The following TMEM232 variants were observed in gnomAD, a reference collection of about 807,000 sequenced individuals.
TMEM232 encodes the protein transmembrane protein 232.
TMEM232 carries 80 observed loss-of-function variants against 78.8 expected under a neutral mutation model. That is an observed-to-expected ratio of 1.01 (90% confidence interval 0.85 to 1.22). The LOEUF is 1.22. TMEM232 is among the 50% of genes most tolerant of loss of function. The pLI is 0.00. For synonymous variants in TMEM232, 297 were observed against 254.3 expected, an observed-to-expected ratio of 1.17 and a Z score of -1.60; for missense variants, 881 against 742.2, an observed-to-expected ratio of 1.19 and a Z score of -2.17.
chr5:110,484,402 G>T (rs577044466), intron 12 of TMEM232, among the ~76,000 whole-genome samples: 3 of 152,018 alleles, frequency 2.0e-5, no homozygotes, highest in African/African-American at 7.2e-5. Context: ...AAAGGAGGCA[G>T]CAATACAAAG....
At chr5:110,437,452 T>A (rs1208868674) in intron 12 of TMEM232, among the ~76,000 whole-genome samples, 1 of 152,006 alleles carries the variant, frequency 6.6e-6, no homozygotes, top group African/African-American at 2.4e-5. Flanking sequence ...AATTAAACAT[T>A]TCAAGATAGT....
chr5:110,571,653 A>G (rs1162256919), intron 10 of TMEM232, among the ~76,000 whole-genome samples: 2 of 151,556 alleles, frequency 1.3e-5, no homozygotes, highest in East Asian at 3.9e-4. Flanking sequence ...CCGAGACCCT[A>G]TCTCTATAGT....
At chr5:110,399,953 C>G (rs1755531499) in intron 2 of TMEM232, among the ~76,000 whole-genome samples, 1 of 152,098 alleles carries the variant, frequency 6.6e-6, no homozygotes, top group South Asian at 2.1e-4. Flanking sequence ...TGTTAAGAGA[C>G]CACTATGAGG....
At chr5:110,573,747 C>G (rs565416604) in intron 10 of TMEM232, among the ~76,000 whole-genome samples, 1 of 152,130 alleles carries the variant, frequency 6.6e-6, no homozygotes, top group South Asian at 2.1e-4. Flanking sequence ...AAGCTAAGAT[C>G]TAGCTGATGA....
chr5:110,594,079 G>T (rs1779859715), intron 10 of TMEM232, among the ~76,000 whole-genome samples: 1 of 152,110 alleles, frequency 6.6e-6, no homozygotes, highest in African/African-American at 2.4e-5. Flanking sequence ...GAAGGTGGGT[G>T]ATTTCTACAT....
At chr5:110,517,472 A>C (rs1768844086) in intron 12 of TMEM232, among the ~76,000 whole-genome samples, 1 of 152,206 alleles carries the variant, frequency 6.6e-6, no homozygotes, top group African/African-American at 2.4e-5. Flanking sequence ...TAAGACAGAA[A>C]ATACTGTTTA....
chr5:110,411,947 A>T (rs1756013360), intron 2 of TMEM232, among the ~76,000 whole-genome samples: 1 of 152,182 alleles, frequency 6.6e-6, no homozygotes, highest in Non-Finnish European at 1.5e-5. Flanking sequence ...TGATGAAGAA[A>T]CATGATTTAT....
chr5:110,498,310 A>G (rs1765847462), intron 12 of TMEM232, among the ~76,000 whole-genome samples: 1 of 152,162 alleles, frequency 6.6e-6, no homozygotes. Flanking sequence ...ATTGATCAAA[A>G]TAAAAACAAA....
chr5:110,591,617 C>T (rs1779543815), intron 10 of TMEM232, among the ~76,000 whole-genome samples: 1 of 152,050 alleles, frequency 6.6e-6, no homozygotes, highest in African/African-American at 2.4e-5. Context: ...ATAGTTTTTT[C>T]TCACCCAAAG....
chr5:110,714,290 G>C (rs182360979), intron 1 of TMEM232, among the ~76,000 whole-genome samples: 2 of 152,242 alleles, frequency 1.3e-5, no homozygotes, highest in African/African-American at 2.4e-5. Context: ...CCAGAGACTA[G>C]GACACCTATA....
chr5:110,726,712 G>T (rs1798192146), upstream of TMEM232: 1 of 152,192 alleles, frequency 6.6e-6, no homozygotes, highest in Non-Finnish European at 1.5e-5. Context: ...CTCTTTTACG[G>T]TCTCGTGACC....
intron 2 of TMEM232, among the ~76,000 whole-genome samples, chr5:110,665,255 T>C (rs1426693105): frequency 4.6e-5 from 7 of 152,182 alleles, no homozygotes; most frequent in Non-Finnish European, 8.8e-5. Flanking sequence ...CTAATAAAAA[T>C]TATGGACATT....
intron 12 of TMEM232, among the ~76,000 whole-genome samples, chr5:110,438,317 G>A (rs1490983358): frequency 6.6e-6 from 1 of 151,424 alleles, no homozygotes; most frequent in Non-Finnish European, 1.5e-5. Flanking sequence ...GGCTGTGTCT[G>A]CTCAGAAATA....
At chr5:110,559,116 G>A (rs73783640) in intron 11 of TMEM232, among the ~76,000 whole-genome samples, 5,523 of 151,686 alleles carry the variant, frequency 0.036, 148 homozygotes, top group African/African-American at 0.071. Context: ...TCCCCTTTTC[G>A]GACTTTTCTG....
intron 12 of TMEM232, among the ~76,000 whole-genome samples, chr5:110,448,461 A>C (rs534955887): frequency 6.6e-6 from 1 of 152,110 alleles, no homozygotes; most frequent in East Asian, 1.9e-4. Flanking sequence ...CAATAGTTCT[A>C]CAAAGACTAG....
intron 12 of TMEM232, among the ~76,000 whole-genome samples, chr5:110,446,943 C>A (rs1308697668): frequency 6.6e-6 from 1 of 151,696 alleles, no homozygotes; most frequent in Non-Finnish European, 1.5e-5. Flanking sequence ...TAACCTGAGT[C>A]AGTAAAGCTA....
intron 2 of TMEM232, among the ~76,000 whole-genome samples, chr5:110,401,534 C>CCTG (rs1755596859): frequency 6.6e-6 from 1 of 151,966 alleles, no homozygotes; most frequent in Non-Finnish European, 1.5e-5. Flanking sequence ...TCCCATTAGG[C>CCTG]CACCCCTGGG....
At chr5:110,397,236 C>G (rs1022311669) in intron 3 of TMEM232, among the ~76,000 whole-genome samples, 2 of 152,136 alleles carry the variant, frequency 1.3e-5, no homozygotes, top group Non-Finnish European at 2.9e-5. Context: ...TTCCTCAAGA[C>G]TAGATATATG....
intron 2 of TMEM232, among the ~76,000 whole-genome samples, chr5:110,652,294 G>GCACACACACACACACA (rs70999969): frequency 0.062 from 9,021 of 145,354 alleles, 297 homozygotes; most frequent in Middle Eastern, 0.074. Flanking sequence ...GCACGCGCGC[G>GCACACACACACACACA]CACACACACA....
Sources: allele counts gnomAD v4.1 joint callset (sites outside exome capture counted in the v4.1 genomes callset), GRCh38; gene constraint gnomAD v4.1.1; transcripts MANE v1.5; gene names NCBI Gene and HGNC (gene_info 2026-07-23, HGNC 2026-07-21).